Variants in CDH22 observed in about 807,000 individuals in gnomAD.
CDH22 encodes the protein cadherin-22.
Under a neutral mutation model 58.4 loss-of-function variants are expected in CDH22, and 30 were observed. That is an observed-to-expected ratio of 0.51 (90% CI 0.38 to 0.70). CDH22 has a LOEUF of 0.70. CDH22 is among the 30% of genes least tolerant of loss of function. The probability of loss-of-function intolerance (pLI) is 0.00; values close to 1 mark genes in which losing one functional copy is unlikely to be tolerated. For synonymous variants in CDH22, 513 were observed against 558.2 expected (o/e 0.92, Z 1.14); for missense variants, 1,014 against 1,233.9 (o/e 0.82, Z 2.67).
intron 3 of CDH22, among the ~76,000 whole-genome samples, chr20:46,239,517 A>G (rs1356918451): frequency 6.6e-6 from 1 of 152,174 alleles, no homozygotes; most frequent in African/African-American, 2.4e-5. Flanking sequence ...TTATCCCAGC[A>G]AGCTGCCAGA....
At chr20:46,176,975 C>T (rs12479610) in intron 11 of CDH22, among the ~76,000 whole-genome samples, 9 of 152,180 alleles carry the variant, frequency 5.9e-5, no homozygotes, top group Admixed American at 4.6e-4. Flanking sequence ...AAAATGAAAC[C>T]GCTGTAAAGT....
chr20:46,254,307 C>A (rs1165038200), intron 1 of CDH22, among the ~76,000 whole-genome samples: 1 of 152,140 alleles, frequency 6.6e-6, no homozygotes, highest in East Asian at 1.9e-4. Flanking sequence ...GTAATCCCAG[C>A]ATTTTGGGAG....
At chr20:46,281,255 C>T (rs963108826) in intron 1 of CDH22, among the ~76,000 whole-genome samples, 3 of 152,126 alleles carry the variant, frequency 2.0e-5, no homozygotes, top group African/African-American at 7.2e-5. Flanking sequence ...GGCAGGGAGG[C>T]CTTGAGGAGG....
chr20:46,255,116 G>A (rs1019871228), intron 1 of CDH22, among the ~76,000 whole-genome samples: 1 of 152,094 alleles, frequency 6.6e-6, no homozygotes. Flanking sequence ...CCGCCTCCCC[G>A]GCTCAAGCAG....
At chr20:46,214,712 C>T (rs2086070484) in intron 5 of CDH22, among the ~76,000 whole-genome samples, 1 of 152,256 alleles carries the variant, frequency 6.6e-6, no homozygotes, top group Non-Finnish European at 1.5e-5. Flanking sequence ...CCCGCTCTGC[C>T]TTCTAGTCTC....
At chr20:46,267,776 T>C (rs2086468087) in intron 1 of CDH22, among the ~76,000 whole-genome samples, 2 of 152,262 alleles carry the variant, frequency 1.3e-5, no homozygotes, top group Admixed American at 6.5e-5. Context: ...ATGCTACTTA[T>C]AAACGCTGCT....
chr20:46,268,085 C>T (rs138550360), intron 1 of CDH22, among the ~76,000 whole-genome samples: 22 of 152,396 alleles, frequency 1.4e-4, no homozygotes, highest in South Asian at 8.3e-4. Flanking sequence ...TCCCCTCACC[C>T]GCCTAAAGGC....
intron 5 of CDH22, among the ~76,000 whole-genome samples, chr20:46,215,096 A>T (rs1405625674): frequency 6.6e-6 from 1 of 152,238 alleles, no homozygotes; most frequent in Non-Finnish European, 1.5e-5. Flanking sequence ...CATGGGGGAA[A>T]ACAGTTTGGC....
intron 8 of CDH22, among the ~76,000 whole-genome samples, chr20:46,198,780 C>T (rs73908645): frequency 0.034 from 5,244 of 152,270 alleles, 315 homozygotes; most frequent in African/African-American, 0.12. Context: ...ACCGCAGGGC[C>T]TCTTTGCACT....
intron 3 of CDH22, among the ~76,000 whole-genome samples, chr20:46,232,864 G>A (rs898202256): frequency 1.3e-5 from 2 of 152,202 alleles, no homozygotes; most frequent in East Asian, 3.9e-4. Context: ...GCCTAATGCA[G>A]ATGAATGGCA....
chr20:46,248,592 G>A (rs1320371907), intron 2 of CDH22, among the ~76,000 whole-genome samples: 1 of 152,222 alleles, frequency 6.6e-6, no homozygotes, highest in African/African-American at 2.4e-5. Context: ...GGAGGCTGAG[G>A]CAGGTGGATC....
At chr20:46,284,317 GC>G in intron 1 of CDH22, among the ~76,000 whole-genome samples, 1 of 152,336 alleles carries the variant, frequency 6.6e-6, no homozygotes, top group South Asian at 2.1e-4. Context: ...ATCGTTCTCA[GC>G]CTCCCTGCTC....
rs557124159 is a variant in CDH22, at chr20:46,251,033, A to C, written c.255+7T>G. ...GGATCTGGAGTTGGAGTGGGGCCCC[A>C]CTTTACCTTGCCCACATACAGGGGC... On this transcript the variant is annotated splice_region_variant and intron_variant, in intron 2 of 11. Coordinates refer to ENST00000537909, the MANE Select transcript of CDH22 (RefSeq NM_021248.3). This position sits in a 1 kb window ranked among gnomAD's most constrained non-coding sequence, Gnocchi z 6.7. The C allele has an allele frequency of 5.0e-6, 8 of 1,597,082 alleles. No homozygotes were observed. Among genetic ancestry groups the C allele is most frequent in the Middle Eastern group, 3.3e-4 (2 of 5,982 alleles).
intron 1 of CDH22, among the ~76,000 whole-genome samples, chr20:46,294,427 C>A (rs950431722): frequency 2.6e-5 from 4 of 152,200 alleles, no homozygotes; most frequent in Non-Finnish European, 4.4e-5. Flanking sequence ...GATGGGGACA[C>A]ACCAGAGCTT....
intron 1 of CDH22, among the ~76,000 whole-genome samples, chr20:46,275,123 G>A (rs2086511112): frequency 6.6e-6 from 1 of 152,134 alleles, no homozygotes; most frequent in Non-Finnish European, 1.5e-5. Context: ...GGAAAAAGTG[G>A]CCCCCATTTC....
intron 11 of CDH22, 56 bp from the exon 12 acceptor site, chr20:46,175,133 A>G: frequency 6.5e-7 from 1 of 1,535,836 alleles, no homozygotes; most frequent in East Asian, 2.5e-5. Context: ...GGGCATTAGA[A>G]GGACCCTCTA....
At chr20:46,261,509 G>A (rs2086432911) in intron 1 of CDH22, among the ~76,000 whole-genome samples, 1 of 152,174 alleles carries the variant, frequency 6.6e-6, no homozygotes. Context: ...TAGGGGAAAG[G>A]GTAGTTCAGG....
intron 1 of CDH22, among the ~76,000 whole-genome samples, chr20:46,279,728 C>T (rs1285627075): frequency 2.0e-5 from 3 of 152,156 alleles, no homozygotes; most frequent in Non-Finnish European, 4.4e-5. Context: ...TCAGCTTCAT[C>T]GACAGTGCCC....
At chr20:46,202,108 G>A (rs991999390) in intron 7 of CDH22, among the ~76,000 whole-genome samples, 4 of 152,126 alleles carry the variant, frequency 2.6e-5, no homozygotes, top group African/African-American at 9.7e-5. Context: ...TGCCAAGTAT[G>A]GTTGTGCAGG....
Sources: gnomAD v4.1 joint callset for allele counts (sites outside exome capture counted in the v4.1 genomes callset) on GRCh38, gnomAD v4.1.1 for gene constraint, Gnocchi (gnomAD v3.1) non-coding constraint, MANE v1.5 for transcripts, NCBI Gene and HGNC (gene_info 2026-07-23, HGNC 2026-07-21) for gene names.